The following SH3GL3 variants were observed in gnomAD, a reference collection of about 807,000 sequenced individuals.
The protein encoded by SH3GL3 is SH3 domain containing GRB2 like 3, endophilin A3.
Under a neutral mutation model 47.7 loss-of-function variants are expected in SH3GL3, and 33 were observed. The ratio of observed to expected loss-of-function variants is 0.69; its 90% CI spans 0.52 to 0.92. The LOEUF is 0.92. Ranked by LOEUF, SH3GL3 falls within the 40% of genes least tolerant of loss-of-function variation. The pLI, the probability that SH3GL3 is intolerant of heterozygous loss-of-function variation, is 0.00. For synonymous variants in SH3GL3, 155 were observed against 148.8 expected (o/e 1.04, Z -0.30); for missense variants, 363 against 417.8 (o/e 0.87, Z 1.14).
intron 1 of SH3GL3, among the ~76,000 whole-genome samples, chr15:83,535,782 G>A (rs574283954): frequency 2.2e-4 from 33 of 152,294 alleles, no homozygotes; most frequent in African/African-American, 7.0e-4. Context: ...CACTCATAGA[G>A]GCCTCCAATT....
At chr15:83,462,517 A>C (rs920752188) in intron 1 of SH3GL3, among the ~76,000 whole-genome samples, 1 of 152,200 alleles carries the variant, frequency 6.6e-6, no homozygotes, top group South Asian at 2.1e-4. Flanking sequence ...CCAGTCATGG[A>C]ATACTACCCA....
intron 1 of SH3GL3, among the ~76,000 whole-genome samples, chr15:83,449,514 A>G (rs977413776): frequency 2.6e-5 from 4 of 152,190 alleles, no homozygotes; most frequent in Non-Finnish European, 2.9e-5. Context: ...ACAGGGGCAA[A>G]TCTCAAAGAT....
chr15:83,540,316 T>A (rs543947839), intron 1 of SH3GL3, among the ~76,000 whole-genome samples: 1 of 152,264 alleles, frequency 6.6e-6, no homozygotes, highest in South Asian at 2.1e-4. Flanking sequence ...ATGGTTCAAG[T>A]CATGTTAATC....
the SH3GL3 span, among the ~76,000 whole-genome samples, chr15:83,627,359 T>G: frequency 7.0e-6 from 1 of 142,412 alleles, no homozygotes; most frequent in South Asian, 2.2e-4. Context: ...ATTGCGCCAC[T>G]GCACTCCAGA....
At chr15:83,450,003 C>G (rs909085702) in intron 1 of SH3GL3, among the ~76,000 whole-genome samples, 1 of 152,148 alleles carries the variant, frequency 6.6e-6, no homozygotes, top group Admixed American at 6.5e-5. Flanking sequence ...CAGAACTTAC[C>G]TGGGGCAGGG....
intron 1 of SH3GL3, among the ~76,000 whole-genome samples, chr15:83,542,496 A>T (rs1190157001): frequency 6.6e-6 from 1 of 152,068 alleles, no homozygotes. Flanking sequence ...TATTTTCTCT[A>T]TTTCTGTGAA....
chr15:83,492,108 C>T (rs953062665), intron 1 of SH3GL3, among the ~76,000 whole-genome samples: 1 of 151,920 alleles, frequency 6.6e-6, no homozygotes, highest in Non-Finnish European at 1.5e-5. Context: ...CATGGTGAAA[C>T]CCCGTCTCTA....
At chr15:83,598,851 T>A (rs997265528) in intron 8 of SH3GL3, among the ~76,000 whole-genome samples, 8 of 152,220 alleles carry the variant, frequency 5.3e-5, no homozygotes, top group African/African-American at 1.9e-4. Flanking sequence ...AATTGTCTAT[T>A]TTCCATTGTA....
At chr15:83,576,948 C>G (rs1384351810) in intron 6 of SH3GL3, among the ~76,000 whole-genome samples, 1 of 9,622 alleles carries the variant, frequency 1.0e-4, no homozygotes, top group African/African-American at 5.9e-4. Context: ...GACGCTGTCT[C>G]GCTCTGTCAC....
At chr15:83,450,238 G>A (rs2039672145) in intron 1 of SH3GL3, among the ~76,000 whole-genome samples, 1 of 152,140 alleles carries the variant, frequency 6.6e-6, no homozygotes, top group Non-Finnish European at 1.5e-5. Flanking sequence ...CCACTGAATT[G>A]TACACTTTAA....
chr15:83,583,797 G>A (rs1007213392), intron 6 of SH3GL3, among the ~76,000 whole-genome samples: 1 of 152,120 alleles, frequency 6.6e-6, no homozygotes, highest in Admixed American at 6.5e-5. Flanking sequence ...AGAAGAGAGT[G>A]AGGAGCCCTG....
the SH3GL3 span, among the ~76,000 whole-genome samples, chr15:83,633,139 A>G: frequency 6.6e-6 from 1 of 151,462 alleles, no homozygotes; most frequent in Non-Finnish European, 1.5e-5. Flanking sequence ...AAAGGAGGAT[A>G]GGAAAACCGA....
chr15:83,585,777 C>T (rs1034552457), intron 6 of SH3GL3, among the ~76,000 whole-genome samples: 3 of 152,128 alleles, frequency 2.0e-5, no homozygotes, highest in African/African-American at 7.2e-5. Context: ...TTTCATTGTT[C>T]GGATGCTGAT....
At chr15:83,474,501 C>T (rs1250315641) in intron 1 of SH3GL3, among the ~76,000 whole-genome samples, 1 of 151,924 alleles carries the variant, frequency 6.6e-6, no homozygotes, top group Non-Finnish European at 1.5e-5. Flanking sequence ...TGATCCACTG[C>T]CAAATGGCTG....
chr15:83,633,344 T>G, the SH3GL3 span, among the ~76,000 whole-genome samples: 1 of 152,348 alleles, frequency 6.6e-6, no homozygotes, highest in South Asian at 2.1e-4. Flanking sequence ...TTTTCTTCTT[T>G]TCTCTTTCCT....
intron 1 of SH3GL3, among the ~76,000 whole-genome samples, chr15:83,494,514 T>A (rs2042001749): frequency 6.6e-6 from 1 of 151,976 alleles, no homozygotes. Context: ...GGTTAAGTTT[T>A]AAAACCTTTT....
rs1433013288 is a variant in SH3GL3, at chr15:83,609,377, C to T, written c.839-8705C>T. On this transcript the variant is annotated intron_variant, in intron 8 of 8. Coordinates refer to ENST00000427482, the MANE Select transcript of SH3GL3 (RefSeq NM_003027.5). ...GGTCGCAGCCAGACTACAAGGGAGGCAAGAGAAAAACTATAAAAAGCAGGA... is the reference window on the plus strand; with the variant it reads ...GGTCGCAGCCAGACTACAAGGGAGGTAAGAGAAAAACTATAAAAAGCAGGA... The T allele has an allele frequency of 4.2e-5, 19 of 448,100 alleles. 1 individual carries two copies. Among genetic ancestry groups the T allele is most frequent in the Non-Finnish European group, 8.5e-5 (19 of 223,520 alleles). 27.8% of individuals were successfully genotyped at this position (448,100 alleles called of 1,614,324 possible).
chr15:83,527,956 G>A (rs996735526), intron 1 of SH3GL3, among the ~76,000 whole-genome samples: 1 of 152,080 alleles, frequency 6.6e-6, no homozygotes, highest in African/African-American at 2.4e-5. Context: ...TTAGGGCTCC[G>A]TTAAGCATTT....
chr15:83,544,160 C>T (rs1252091794), intron 1 of SH3GL3, among the ~76,000 whole-genome samples: 1 of 151,714 alleles, frequency 6.6e-6, no homozygotes, highest in Non-Finnish European at 1.5e-5. Flanking sequence ...ATAAATTTTC[C>T]TGTTAGTACT....
Sources: gnomAD v4.1 joint callset for allele counts (sites outside exome capture counted in the v4.1 genomes callset) on GRCh38, gnomAD v4.1.1 for gene constraint, MANE v1.5 for transcripts, NCBI Gene and HGNC (gene_info 2026-07-23, HGNC 2026-07-21) for gene names.